Variants in ERCC6L observed in about 807,000 individuals in gnomAD.
The protein encoded by ERCC6L is DNA excision repair protein ERCC-6-like.
A neutral mutation model predicts 20.1 loss-of-function variants in ERCC6L; 7 were observed. The ratio of observed to expected loss-of-function variants is 0.35; its 90% CI spans 0.20 to 0.65. ERCC6L has a LOEUF of 0.65. Among genes scored for constraint, ERCC6L ranks in the 30% least tolerant of loss-of-function variants. The probability of loss-of-function intolerance (pLI) is 0.69; values close to 1 mark genes in which losing one functional copy is unlikely to be tolerated. For missense variants in ERCC6L, 592 were observed against 892.4 expected (o/e 0.66, Z 4.29); for synonymous variants, 278 against 331.3 (o/e 0.84, Z 1.75).
At chrX:72,211,976 T>C (rs1187890307) in intron 1 of ERCC6L, among the ~76,000 whole-genome samples, 2 of 110,785 alleles carry the variant, frequency 1.8e-5, no homozygotes, top group Non-Finnish European at 3.8e-5. Context: ...CAAGTGGCCA[T>C]ATAAAATCAT....
chrX:72,219,398 AC>A (rs2042907644), intron 1 of ERCC6L, among the ~76,000 whole-genome samples: 1 of 109,045 alleles, frequency 9.2e-6, no homozygotes. Flanking sequence ...TACTAAAAAT[AC>A]AAAAATTAGC....
chrX:72,207,086 C>T lies in ERCC6L; in HGVS notation c.1681G>A (p.Ala561Thr). 8.3e-7 allele frequency: 1 copy of T among 1,211,792 alleles called. No individual in the cohort carries two copies. The highest frequency in any genetic ancestry group is 1.1e-6 in the Non-Finnish European group (1 of 895,560). ...VVIFDPSWNPATDAQAVDRVY... is the reference protein window; with the variant it reads ...VVIFDPSWNPTTDAQAVDRVY... The stretch of plus-strand genomic sequence containing the variant: ...CTATCCACAGCTTGAGCATCAGTTG[C>T]AGGATTCCAGCTAGGGTCAAAAATG... Residue 561 changes from alanine (A) to threonine (T), a missense_variant, in exon 2 of 2, where the codon GCA (alanine) becomes ACA (threonine). Around this residue, in one of 3 missense-constraint regions of ERCC6L, gnomAD observed 196 missense variants for 440.1 expected, o/e 0.45. Coordinates refer to ENST00000334463, the MANE Select transcript of ERCC6L (RefSeq NM_017669.4).
intron 1 of ERCC6L, 94 bp from the exon 2 acceptor site, chrX:72,208,792 G>A: frequency 2.8e-6 from 2 of 726,418 alleles, no homozygotes; most frequent in African/African-American, 4.3e-5. Flanking sequence ...AACTGCAGCT[G>A]GACTTTTAAT....
intron 1 of ERCC6L, among the ~76,000 whole-genome samples, chrX:72,219,111 C>T (rs752420940): frequency 2.8e-4 from 31 of 110,990 alleles, no homozygotes; most frequent in Non-Finnish European, 5.5e-4. Flanking sequence ...CAAAAATTAG[C>T]TGGGTGTGGT....
In ERCC6L at chrX:72,205,703, T is replaced by C. The variant is rs1226969333; in HGVS notation, c.3064A>G (p.Lys1022Glu). Reference sequence around the variant, plus strand: ...CCATCTGAAACAATCCTTCTAGCTTTACTTCTGATTTTTGCTTTAACTACT... The same window carrying C: ...CCATCTGAAACAATCCTTCTAGCTTCACTTCTGATTTTTGCTTTAACTACT... ...EVVVKAKIRS[K>E]ARRIVSDGED... Residue 1022 changes from lysine (K) to glutamate (E), a missense_variant, in exon 2 of 2, where the codon AAA (lysine) becomes GAA (glutamate). Physicochemically the swap from Lys to Glu is moderately conservative, Grantham distance 56. This residue lies in a region of ERCC6L where 352 missense variants were observed against 402.6 expected (regional missense o/e 0.87). Coordinates refer to ENST00000334463, the MANE Select transcript of ERCC6L (RefSeq NM_017669.4). 1 of 1,210,517 alleles carries C rather than the reference T, an allele frequency of 8.3e-7. No homozygotes were observed. Among genetic ancestry groups the C allele is most frequent in the African/African-American group, 1.7e-5 (1 of 57,412 alleles).
chrX:72,228,264 C>T (rs1023216536), intron 1 of ERCC6L, among the ~76,000 whole-genome samples: 2 of 112,230 alleles, frequency 1.8e-5, no homozygotes. Context: ...TAAAAATGGC[C>T]TTGCTGAGGA....
Position 72,206,799 on chromosome X carries a change from T to C in ERCC6L, c.1968A>G (p.Leu656=). 8.3e-7 allele frequency: 1 copy of C among 1,211,039 alleles called. No homozygotes were observed. The change falls in exon 2 of 2, where the codon CTA becomes CTG. Residue 656 remains leucine, a synonymous_variant. Transcript: ENST00000334463. ...ACTGCAGGTAGGCAATATGTTCATC[T>C]AGTTTTATATCAGATTTCCTCTGAG... is the stretch of plus-strand genomic sequence containing the variant. ...HAAQRKSDIK[L]DEHIAYLQSL... is the part of the protein sequence containing the mutation.
chrX:72,226,107 A>G (rs1405023333), intron 1 of ERCC6L, among the ~76,000 whole-genome samples: 1 of 110,781 alleles, frequency 9.0e-6, no homozygotes, highest in African/African-American at 3.3e-5. Flanking sequence ...TCAACACTCT[A>G]TCTCTCTTCA....
At chrX:72,220,234 G>C (rs2042915134) in intron 1 of ERCC6L, among the ~76,000 whole-genome samples, 2 of 110,475 alleles carry the variant, frequency 1.8e-5, no homozygotes, top group African/African-American at 6.6e-5. Flanking sequence ...CAAGAGGTCA[G>C]GACTAAAGAT....
At chrX:72,227,930 TA>T (rs779116704) in intron 1 of ERCC6L, among the ~76,000 whole-genome samples, 13 of 112,932 alleles carry the variant, frequency 1.2e-4, no homozygotes, top group Non-Finnish European at 1.7e-4. Flanking sequence ...TTAGCCTAAA[TA>T]TTTGCCCTGG....
At position 72,207,362 on chromosome X, in the gene ERCC6L, G is replaced by A. The variant is rs1325461838; in HGVS notation, c.1405C>T (p.Leu469Phe). 8.3e-7 allele frequency: 1 copy of A among 1,211,588 alleles called. No homozygotes were observed. The highest frequency in any genetic ancestry group is 3.0e-5 in the East Asian group (1 of 33,840). Residue 469 changes from leucine to phenylalanine, a missense_variant, in exon 2 of 2, where the codon CTT becomes TTT. Coordinates refer to ENST00000334463, the MANE Select transcript of ERCC6L (RefSeq NM_017669.4). Reference sequence around the variant, plus strand: ...TGTCCCTCATCTCGCAGCCTCTTAAGTAGGTCCATTAGGAATATCATTTTT... The same window carrying A: ...TGTCCCTCATCTCGCAGCCTCTTAAATAGGTCCATTAGGAATATCATTTTT... ...SGKMIFLMDL[L>F]KRLRDEGHQT...
At chrX:72,229,483 T>C (rs757661767) in intron 1 of ERCC6L, among the ~76,000 whole-genome samples, 4 of 111,951 alleles carry the variant, frequency 3.6e-5, no homozygotes, top group Non-Finnish European at 7.5e-5. Context: ...GGTGTCTCCC[T>C]GGCCTCCTCC....
Position 72,204,923 on chromosome X carries a change from A to T in ERCC6L, c.*91T>A. The T allele has an allele frequency of 1.2e-6, 1 of 844,175 alleles. No homozygotes were observed. The highest frequency in any genetic ancestry group is 1.6e-6 in the Non-Finnish European group (1 of 613,982). The allele number at this position is 844,175 out of a possible 1,213,427, so 69.6% of individuals were successfully genotyped here. On this transcript the variant is annotated 3_prime_UTR_variant, in exon 2 of 2. Transcript: ENST00000334463. ...TGAGATCTTTCTTGCCTTAAGCCTG[A>T]ATGCTTCATGTTCCCAAAGAATCCA...
intron 1 of ERCC6L, among the ~76,000 whole-genome samples, chrX:72,236,546 G>A (rs1456075436): frequency 1.8e-5 from 2 of 111,318 alleles, no homozygotes; most frequent in Non-Finnish European, 3.8e-5. Flanking sequence ...CACCTGCCTC[G>A]CCCTCCCAAA....
chrX:72,204,897 T>G lies in ERCC6L; in HGVS notation c.*117A>C. The stretch of plus-strand genomic sequence containing the variant: ...GGCGTTGCAGGGCAGAAGTTGCTTT[T>G]TGAGATCTTTCTTGCCTTAAGCCTG... On this transcript the variant is annotated 3_prime_UTR_variant, in exon 2 of 2. Transcript: ENST00000334463. 1.6e-6 allele frequency: 1 copy of G among 638,788 alleles called. No homozygotes were observed. The highest frequency in any genetic ancestry group is 2.3e-6 in the Non-Finnish European group (1 of 442,046). 52.6% of individuals were successfully genotyped at this position (638,788 alleles called of 1,213,427 possible).
chrX:72,236,955 T>C (rs1486313741), intron 1 of ERCC6L, among the ~76,000 whole-genome samples: 2 of 112,273 alleles, frequency 1.8e-5, no homozygotes, highest in African/African-American at 6.5e-5. Flanking sequence ...TAAAACTATG[T>C]ATCTTAACTT....
chrX:72,226,420 A>G (rs1272334602), intron 1 of ERCC6L, among the ~76,000 whole-genome samples: 1 of 112,143 alleles, frequency 8.9e-6, no homozygotes, highest in Non-Finnish European at 1.9e-5. Flanking sequence ...TTGCCCTAAT[A>G]AGAGCACTAA....
intron 1 of ERCC6L, chrX:72,238,020 G>A (rs1185781851): frequency 9.0e-6 from 1 of 111,269 alleles, no homozygotes; most frequent in Non-Finnish European, 1.9e-5. Context: ...TGAAGGGAGG[G>A]GGAAATGGGG....
Position 72,205,595 on chromosome X carries a change from G to A in ERCC6L, c.3172C>T (p.Gln1058Ter). The A allele has an allele frequency of 8.3e-7, 1 of 1,211,239 alleles. No homozygotes were observed. The highest frequency in any genetic ancestry group is 1.1e-6 in the Non-Finnish European group (1 of 894,951). ...TSLFQFSSVK[Q>*]FDASTPKNDI... The stretch of plus-strand genomic sequence containing the variant: ...TTTTTGGGAGTTGAAGCATCAAATT[G>A]TTTCACAGATGAGAATTGAAAGAGA... Residue 1058 changes from glutamine (Q) to a stop codon, truncating the protein, a stop_gained, in exon 2 of 2, where the codon CAA becomes TAA. Transcript: ENST00000334463. LOFTEE classifies it low-confidence loss of function (END_TRUNC).
Sources: gnomAD v4.1 joint callset for allele counts (sites outside exome capture counted in the v4.1 genomes callset) on GRCh38, gnomAD v4.1.1 for gene constraint, gnomAD v4.1.1 regional missense constraint, MANE v1.5 for transcripts, NCBI Gene and HGNC (gene_info 2026-07-23, HGNC 2026-07-21) for gene names.